XRRA1: variants seen among roughly 807,000 people sequenced by gnomAD.
XRRA1 encodes X-ray radiation resistance associated 1, also known as X-ray radiation resistance-associated protein 1.
Under a neutral mutation model 80.2 loss-of-function variants are expected in XRRA1, and 69 were observed. The ratio of observed to expected loss-of-function variants is 0.86; its 90% CI spans 0.71 to 1.05. XRRA1 has a LOEUF of 1.05. XRRA1 is among the 50% of genes least tolerant of loss of function. The pLI, the probability that XRRA1 is intolerant of heterozygous loss-of-function variation, is 0.00. For synonymous variants in XRRA1, 348 were observed against 389.9 expected, an observed-to-expected ratio of 0.89 and a Z score of 1.27; for missense variants, 967 against 976.4, an observed-to-expected ratio of 0.99 and a Z score of 0.13.
intron 10 of XRRA1, among the ~76,000 whole-genome samples, chr11:74,881,724 A>C (rs1184570386): frequency 6.6e-6 from 1 of 151,660 alleles, no homozygotes; most frequent in Non-Finnish European, 1.5e-5. Flanking sequence ...ATCTCTCAGC[A>C]TTTGCTTGTC....
chr11:74,928,469 C>G (rs936231561), intron 6 of XRRA1, among the ~76,000 whole-genome samples: 8 of 152,206 alleles, frequency 5.3e-5, no homozygotes, highest in African/African-American at 1.9e-4. Context: ...AATGAGATTT[C>G]TAAGCCAGGG....
At chr11:74,871,447 C>T (rs2044750971) in intron 10 of XRRA1, among the ~76,000 whole-genome samples, 1 of 152,182 alleles carries the variant, frequency 6.6e-6, no homozygotes, top group African/African-American at 2.4e-5. Context: ...CACTGAGACT[C>T]CTTTAATCCT....
At chr11:74,874,379 G>T (rs2045608185) in intron 10 of XRRA1, among the ~76,000 whole-genome samples, 1 of 152,092 alleles carries the variant, frequency 6.6e-6, no homozygotes, top group South Asian at 2.1e-4. Context: ...CTTCCCATAG[G>T]GAGGGTCTTC....
chr11:74,913,035 A>G (rs755429162), intron 8 of XRRA1, among the ~76,000 whole-genome samples: 7 of 152,232 alleles, frequency 4.6e-5, no homozygotes, highest in Non-Finnish European at 1.0e-4. Context: ...GTCAGATGGA[A>G]GAATGAAAAT....
chr11:74,894,482 A>G (rs2051692624), intron 10 of XRRA1, among the ~76,000 whole-genome samples: 1 of 152,216 alleles, frequency 6.6e-6, no homozygotes, highest in Non-Finnish European at 1.5e-5. Context: ...ACAGTTCTGT[A>G]TGGCTTAGGA....
chr11:74,894,075 T>C (rs2051567701), intron 10 of XRRA1, among the ~76,000 whole-genome samples: 1 of 152,220 alleles, frequency 6.6e-6, no homozygotes, highest in African/African-American at 2.4e-5. Context: ...GAATACTATG[T>C]AGCCATAAAA....
intron 11 of XRRA1, among the ~76,000 whole-genome samples, chr11:74,861,718 G>A (rs552233465): frequency 8.5e-5 from 13 of 152,344 alleles, no homozygotes; most frequent in Admixed American, 5.2e-4. Flanking sequence ...CCCTGGAGCC[G>A]AAAAGGTTGG....
At chr11:74,917,653 A>C (rs886189125) in intron 8 of XRRA1, among the ~76,000 whole-genome samples, 2 of 152,192 alleles carry the variant, frequency 1.3e-5, no homozygotes, top group Non-Finnish European at 2.9e-5. Context: ...TGTTTTTCTC[A>C]TAACCACAAC....
At chr11:74,907,364 G>A in intron 8 of XRRA1, 91 bp from the exon 9 acceptor site, 1 of 1,536,862 alleles carries the variant, frequency 6.5e-7, no homozygotes, top group Non-Finnish European at 8.8e-7. Context: ...AATCAATTAG[G>A]AGGACTAACC....
chr11:74,841,226 T>C lies in XRRA1; in HGVS notation c.*1974A>G, dbSNP rs1565194733. The C allele has an allele frequency of 1.3e-5, 2 of 152,194 alleles. No homozygotes were observed. Among genetic ancestry groups the C allele is most frequent in the Non-Finnish European group, 2.9e-5 (2 of 68,018 alleles). 9.4% of individuals were successfully genotyped at this position (152,194 alleles called of 1,614,324 possible). A position where few individuals can be genotyped will look rare whatever the true frequency, so the allele number is the denominator to read the frequency against. ...AGGCAGCCTTTTCCTCATCAACCCATAGAGTGGTCTTTTGAACTGGTATCT... is the reference window on the plus strand; with the variant it reads ...AGGCAGCCTTTTCCTCATCAACCCACAGAGTGGTCTTTTGAACTGGTATCT... On this transcript the variant is annotated 3_prime_UTR_variant, in exon 19 of 19. Transcript: ENST00000684022.
chr11:74,885,956 C>A (rs1436653337), intron 10 of XRRA1, among the ~76,000 whole-genome samples: 1 of 152,268 alleles, frequency 6.6e-6, no homozygotes, highest in African/African-American at 2.4e-5. Flanking sequence ...GAACTAAAAA[C>A]AAAAACCACA....
chr11:74,884,991 T>A (rs1372020200), intron 10 of XRRA1, among the ~76,000 whole-genome samples: 2 of 152,162 alleles, frequency 1.3e-5, no homozygotes, highest in Non-Finnish European at 2.9e-5. Context: ...AGCCTGGATA[T>A]GGTGGCTAAT....
At chr11:74,893,771 A>C (rs971204627) in intron 10 of XRRA1, among the ~76,000 whole-genome samples, 8 of 152,218 alleles carry the variant, frequency 5.3e-5, no homozygotes, top group Non-Finnish European at 1.2e-4. Context: ...TTGTGGAGTA[A>C]AGGGAAGGCT....
chr11:74,915,935 A>G (rs1190152186), intron 8 of XRRA1, among the ~76,000 whole-genome samples: 5 of 152,178 alleles, frequency 3.3e-5, no homozygotes, highest in African/African-American at 1.2e-4. Context: ...TGCTGGATGT[A>G]GGATTCCTGA....
At position 74,949,032 on chromosome 11, in the gene XRRA1, C is replaced by A. The variant is rs998064134; in HGVS notation, c.-177G>T. The A allele has an allele frequency of 8.0e-6, 3 of 375,186 alleles. No homozygotes were observed. Among genetic ancestry groups the A allele is most frequent in the Non-Finnish European group, 9.8e-6 (2 of 204,072 alleles). 23.2% of individuals were successfully genotyped at this position (375,186 alleles called of 1,614,324 possible). A position where few individuals can be genotyped will look rare whatever the true frequency, so the allele number is the denominator to read the frequency against. ...CCCCGGGGATCTCGGAGCCGCTCCA[C>A]TGCGGTGCCTGCCGCTATCTTCCCC... On this transcript the variant is annotated 5_prime_UTR_variant, in exon 1 of 19. Transcript: ENST00000684022.
intron 10 of XRRA1, among the ~76,000 whole-genome samples, chr11:74,866,264 T>C (rs909152581): frequency 6.6e-6 from 1 of 152,118 alleles, no homozygotes; most frequent in African/African-American, 2.4e-5. Context: ...TGTTTTGTGC[T>C]TTTTTTGGAG....
At chr11:74,928,861 G>C (rs1347759301) in intron 6 of XRRA1, among the ~76,000 whole-genome samples, 1 of 151,902 alleles carries the variant, frequency 6.6e-6, no homozygotes, top group Non-Finnish European at 1.5e-5. Context: ...TTACCTCCAA[G>C]ATGCTACACC....
At chr11:74,847,212 T>A (rs2038491318) in intron 15 of XRRA1, among the ~76,000 whole-genome samples, 1 of 152,220 alleles carries the variant, frequency 6.6e-6, no homozygotes, top group Non-Finnish European at 1.5e-5. Flanking sequence ...TAAATTTATA[T>A]GTCACTATAA....
At chr11:74,930,802 G>GTGTT (rs1365262901) in intron 5 of XRRA1, among the ~76,000 whole-genome samples, 8 of 152,178 alleles carry the variant, frequency 5.3e-5, no homozygotes, top group African/African-American at 1.4e-4. Flanking sequence ...TAGTTTTTGT[G>GTGTT]TGTTTGTTTG....
Sources: allele counts gnomAD v4.1 joint callset (sites outside exome capture counted in the v4.1 genomes callset), GRCh38; gene constraint gnomAD v4.1.1; transcripts MANE v1.5; gene names NCBI Gene and HGNC (gene_info 2026-07-23, HGNC 2026-07-21).